KCNH8: variants seen among roughly 807,000 people sequenced by gnomAD.
KCNH8 encodes the protein potassium voltage-gated channel subfamily H member 8.
Under a neutral mutation model 103.6 loss-of-function variants are expected in KCNH8, and 70 were observed. The ratio of observed to expected loss-of-function variants is 0.68; its 90% CI spans 0.56 to 0.82. The LOEUF is 0.82. KCNH8 is among the 40% of genes least tolerant of loss of function. The pLI, the probability that KCNH8 is intolerant of heterozygous loss-of-function variation, is 0.00. For missense variants in KCNH8, 1,217 were observed against 1,329.9 expected, an observed-to-expected ratio of 0.92 and a Z score of 1.32; for synonymous variants, 498 against 489.4, an observed-to-expected ratio of 1.02 and a Z score of -0.23.
chr3:19,514,541 C>T (rs1250222580), intron 13 of KCNH8, among the ~76,000 whole-genome samples: 1 of 151,360 alleles, frequency 6.6e-6, no homozygotes, highest in East Asian at 1.9e-4. Flanking sequence ...ACATCAAAAT[C>T]TTGACTATAG....
At chr3:19,459,985 T>C (rs1410631420) in intron 11 of KCNH8, among the ~76,000 whole-genome samples, 1 of 152,082 alleles carries the variant, frequency 6.6e-6, no homozygotes, top group Non-Finnish European at 1.5e-5. Context: ...TGTCATTTGT[T>C]CTTTTTTGGT....
intron 15 of KCNH8, among the ~76,000 whole-genome samples, chr3:19,523,466 A>C (rs1291579713): frequency 2.6e-5 from 4 of 151,952 alleles, no homozygotes; most frequent in Non-Finnish European, 5.9e-5. Context: ...CACTGTTATA[A>C]GATAAATTAT....
In KCNH8 at chr3:19,288,181, C is replaced by CTTT. The variant is rs767659898; in HGVS notation, c.442+6880_442+6882dup. Among the ~76,000 whole-genome samples the CTTT allele has an allele frequency of 6.5e-3, 248 of 38,014 alleles. 13 individuals carry two copies. Among genetic ancestry groups the CTTT allele is most frequent in the African/African-American group, 0.017 (180 of 10,322 alleles). The allele number at this position is 38,014 out of a possible 152,430, so 24.9% of individuals were successfully genotyped here. On this transcript the variant is annotated intron_variant, in intron 3 of 15. Transcript: ENST00000328405. ...CTTCTTGCACCGGTGTATCAAACTT[C>CTTT]TTTTTTTTTTTTTTTTTTTTTTTTT...
In KCNH8 at chr3:19,319,395, A is replaced by G. The variant is rs149044940; in HGVS notation, c.443-23192A>G. Among the ~76,000 whole-genome samples the G allele has an allele frequency of 1.3e-4, 20 of 152,116 alleles. No homozygotes were observed. In the East Asian group the frequency reaches 1.4e-3, roughly 10 times the overall value. ...TTCTTCTACACGTGGCTTGCCAATT[A>G]TCCCAGCACCATATGTTGAATAGGG... is the stretch of plus-strand genomic sequence containing the variant. On this transcript the variant is annotated intron_variant, in intron 3 of 15. Coordinates refer to ENST00000328405, the MANE Select transcript of KCNH8 (RefSeq NM_144633.3).
chr3:19,317,976 G>A (rs1031326706), intron 3 of KCNH8, among the ~76,000 whole-genome samples: 20 of 151,876 alleles, frequency 1.3e-4, no homozygotes, highest in African/African-American at 4.8e-4. Flanking sequence ...TTCTGATGAC[G>A]GCAATCAGGC....
At chr3:19,434,660 T>G (rs951548501) in intron 7 of KCNH8, among the ~76,000 whole-genome samples, 1 of 152,218 alleles carries the variant, frequency 6.6e-6, no homozygotes, top group African/African-American at 2.4e-5. Context: ...TAAGTGGACC[T>G]TCAGAATTGT....
At chr3:19,307,482 A>G (rs1001517356) in intron 3 of KCNH8, among the ~76,000 whole-genome samples, 1 of 151,998 alleles carries the variant, frequency 6.6e-6, no homozygotes, top group African/African-American at 2.4e-5. Context: ...ACAGTACGGA[A>G]GTTCTTCAAA....
chr3:19,394,384 C>T (rs1454798278), intron 6 of KCNH8, among the ~76,000 whole-genome samples: 1 of 151,992 alleles, frequency 6.6e-6, no homozygotes, highest in Non-Finnish European at 1.5e-5. Flanking sequence ...AGCTACAAGT[C>T]TACTGCTATA....
Position 19,175,486 on chromosome 3 carries a change from G to A in KCNH8, c.76+26691G>A, listed in dbSNP as rs972506673. Reference sequence around the variant, plus strand: ...GGCCTCCCAAAGTGCTAGGATTACAGGCGTGAGCCCCCGCGCCCGGCCAAC... The same window carrying A: ...GGCCTCCCAAAGTGCTAGGATTACAAGCGTGAGCCCCCGCGCCCGGCCAAC... On this transcript the variant is annotated intron_variant, in intron 1 of 15. Coordinates refer to ENST00000328405, the MANE Select transcript of KCNH8 (RefSeq NM_144633.3). Among the ~76,000 whole-genome samples the A allele has an allele frequency of 2.6e-5, 4 of 152,292 alleles. No homozygotes were observed. The East Asian group carries it at 7.7e-4, about 29-fold the overall frequency.
Position 19,376,319 on chromosome 3 carries a change from C to T in KCNH8, c.812-14162C>T, listed in dbSNP as rs113665209. The stretch of plus-strand genomic sequence containing the variant: ...TCTCGTGGTGCGCCATTTTTGAAGC[C>T]GGTCGGAAAAGCGCAGTATTCGGGT... On this transcript the variant is annotated intron_variant, in intron 5 of 15. Coordinates refer to ENST00000328405, the MANE Select transcript of KCNH8 (RefSeq NM_144633.3). Among the ~76,000 whole-genome samples the T allele has an allele frequency of 4.0e-3, 612 of 152,312 alleles. 5 individuals carry two copies. Among genetic ancestry groups the T allele is most frequent in the African/African-American group, 0.013 (546 of 41,576 alleles).
intron 5 of KCNH8, among the ~76,000 whole-genome samples, chr3:19,365,193 T>A (rs1044096082): frequency 6.6e-6 from 1 of 152,100 alleles, no homozygotes; most frequent in Non-Finnish European, 1.5e-5. Context: ...TTCTTGTGAT[T>A]TAATGTTCCT....
intron 2 of KCNH8, among the ~76,000 whole-genome samples, chr3:19,267,297 T>A (rs1031536555): frequency 6.6e-6 from 1 of 152,056 alleles, no homozygotes; most frequent in African/African-American, 2.4e-5. Flanking sequence ...CCATGCCTGA[T>A]GATGGAGACA....
chr3:19,201,258 A>AAG (rs1553623525), intron 1 of KCNH8, among the ~76,000 whole-genome samples: 72 of 146,624 alleles, frequency 4.9e-4, no homozygotes, highest in Non-Finnish European at 9.2e-4. Flanking sequence ...AAAAAAAAAA[A>AAG]AAAAGAAAAG....
At chr3:19,280,843 C>A (rs2064746631) in intron 2 of KCNH8, among the ~76,000 whole-genome samples, 2 of 151,960 alleles carry the variant, frequency 1.3e-5, no homozygotes, top group Admixed American at 1.3e-4. Flanking sequence ...TATTGAAGAA[C>A]GAGTGTGTGC....
At chr3:19,494,111 G>A (rs2068383959) in intron 11 of KCNH8, among the ~76,000 whole-genome samples, 1 of 152,304 alleles carries the variant, frequency 6.6e-6, no homozygotes, top group African/African-American at 2.4e-5. Flanking sequence ...CTGTTCGTGT[G>A]TTAGTTTGCT....
chr3:19,281,826 A>C (rs2064761024), intron 3 of KCNH8, among the ~76,000 whole-genome samples: 1 of 152,104 alleles, frequency 6.6e-6, no homozygotes. Flanking sequence ...ATTGTATATA[A>C]GAATATAATA....
At chr3:19,448,848 A>C (rs188690059) in intron 8 of KCNH8, 10 of 445,828 alleles carry the variant, frequency 2.2e-5, no homozygotes, top group Non-Finnish European at 4.1e-5. Context: ...CAGAATAAGG[A>C]TCAGGGATAA....
chr3:19,288,814 C>G (rs2064874397), intron 3 of KCNH8, among the ~76,000 whole-genome samples: 1 of 152,216 alleles, frequency 6.6e-6, no homozygotes, highest in South Asian at 2.1e-4. Context: ...CACTGACTTC[C>G]ACAATGGTTG....
At chr3:19,360,400 C>T (rs2065932789) in intron 5 of KCNH8, among the ~76,000 whole-genome samples, 2 of 151,978 alleles carry the variant, frequency 1.3e-5, no homozygotes, top group Admixed American at 1.3e-4. Flanking sequence ...GTGTCAGAGG[C>T]CAAATCTTTC....
Sources: gnomAD v4.1 joint callset for allele counts (sites outside exome capture counted in the v4.1 genomes callset) on GRCh38, gnomAD v4.1.1 for gene constraint, MANE v1.5 for transcripts, NCBI Gene and HGNC (gene_info 2026-07-23, HGNC 2026-07-21) for gene names.